Variants in COL11A1 observed in about 807,000 individuals in gnomAD.
COL11A1 encodes collagen alpha-1(XI) chain.
A neutral mutation model predicts 265.2 loss-of-function variants in COL11A1; 74 were observed. That is an observed-to-expected ratio of 0.28 (90% CI 0.23 to 0.34). The LOEUF (loss-of-function observed/expected upper bound fraction) is 0.34, where lower values mean the gene tolerates loss of function less well. Among genes scored for constraint, COL11A1 ranks in the 10% least tolerant of loss-of-function variants. COL11A1 has a pLI of 1.00. For missense variants in COL11A1, 2,165 were observed against 2,263.6 expected (o/e 0.96, Z 0.88); for synonymous variants, 816 against 727.6 (o/e 1.12, Z -1.96).
chr1:102,882,664 G>A (rs987124003), intron 64 of COL11A1, among the ~76,000 whole-genome samples: 19 of 152,234 alleles, frequency 1.2e-4, no homozygotes, highest in African/African-American at 3.9e-4. Context: ...AGTTATGCTC[G>A]TGAACAAACT....
chr1:102,950,543 T>A lies in COL11A1; in HGVS notation c.3169-3587A>T, dbSNP rs536192289. Among the ~76,000 whole-genome samples the A allele has an allele frequency of 8.6e-5, 13 of 151,250 alleles. No homozygotes were observed. The South Asian group carries it at 2.7e-3, about 32-fold the overall frequency. On this transcript the variant is annotated intron_variant, in intron 41 of 66. Transcript: ENST00000370096. Reference sequence around the variant, plus strand: ...AATATTCAACTCACATTCTTAGAATTTTTTTTTTACTTTATATCTTAGCAT... The same window carrying A: ...AATATTCAACTCACATTCTTAGAATATTTTTTTTACTTTATATCTTAGCAT...
At chr1:103,048,325 T>G (rs6700653) in intron 4 of COL11A1, among the ~76,000 whole-genome samples, 6,247 of 152,118 alleles carry the variant, frequency 0.041, 219 homozygotes, top group African/African-American at 0.092. Flanking sequence ...TCCTGGTTTA[T>G]TCTTGGGAGG....
At chr1:103,097,508 A>G (rs745938123) in intron 1 of COL11A1, among the ~76,000 whole-genome samples, 1 of 151,988 alleles carries the variant, frequency 6.6e-6, no homozygotes, top group Non-Finnish European at 1.5e-5. Context: ...TGTATTCTCC[A>G]GGAACCATAC....
intron 44 of COL11A1, among the ~76,000 whole-genome samples, chr1:102,937,737 G>A (rs1169232740): frequency 6.6e-6 from 1 of 152,134 alleles, no homozygotes; most frequent in Admixed American, 6.5e-5. Context: ...CATAAGCCAA[G>A]CAGATGCCAG....
Position 103,023,012 on chromosome 1 carries a change from G to T in COL11A1, c.991-16C>A. 6.2e-7 allele frequency: 1 copy of T among 1,607,546 alleles called. No homozygotes were observed. Among genetic ancestry groups the T allele is most frequent in the Non-Finnish European group, 8.5e-7 (1 of 1,176,128 alleles). ...CTGGATTTGGCTATTAATTTAAATT[G>T]CAAGGAATTGAGGAACATGAAGTTT... On this transcript the variant is annotated splice_polypyrimidine_tract_variant and intron_variant, in intron 7 of 66. Transcript: ENST00000370096.
chr1:102,949,657 T>A (rs893781991), intron 41 of COL11A1, among the ~76,000 whole-genome samples: 2 of 152,232 alleles, frequency 1.3e-5, no homozygotes, highest in African/African-American at 2.4e-5. Context: ...ATGACTTGTA[T>A]ATTTTTAAGT....
chr1:102,934,743 C>T (rs1269376152), intron 45 of COL11A1, among the ~76,000 whole-genome samples, 187 bp from the exon 46 acceptor site: 1 of 152,152 alleles, frequency 6.6e-6, no homozygotes, highest in Non-Finnish European at 1.5e-5. Flanking sequence ...TTCTTTGCTT[C>T]TGGATCATAA....
intron 49 of COL11A1, among the ~76,000 whole-genome samples, chr1:102,919,661 A>G (rs754280150): frequency 1.3e-5 from 2 of 152,026 alleles, no homozygotes; most frequent in African/African-American, 4.8e-5. Flanking sequence ...GAATGCATAA[A>G]TAAGAAATCA....
chr1:102,983,994 T>C (rs1358005530), intron 31 of COL11A1, 144 bp downstream of exon 31: 7 of 603,038 alleles, frequency 1.2e-5, no homozygotes, highest in African/African-American at 7.4e-5. Flanking sequence ...ACTCCAGGCG[T>C]CCACACACTC....
At chr1:102,905,044 T>C (rs1228819512) in intron 54 of COL11A1, among the ~76,000 whole-genome samples, 2 of 151,638 alleles carry the variant, frequency 1.3e-5, no homozygotes, top group African/African-American at 4.8e-5. Context: ...TATGCAGCCA[T>C]AAAAAATGAT....
chr1:103,038,964 G>A (rs1668598733), intron 4 of COL11A1, among the ~76,000 whole-genome samples: 1 of 152,142 alleles, frequency 6.6e-6, no homozygotes, highest in Non-Finnish European at 1.5e-5. Context: ...GAGGAACGTA[G>A]AGCAATTCTG....
intron 26 of COL11A1, 53 bp from the exon 27 acceptor site, chr1:102,996,095 A>T: frequency 6.5e-7 from 1 of 1,547,516 alleles, no homozygotes; most frequent in Non-Finnish European, 8.9e-7. Context: ...AGTGCTACTC[A>T]TTTACATACT....
chr1:102,919,534 C>A (rs1261837484), intron 49 of COL11A1, among the ~76,000 whole-genome samples: 2 of 151,868 alleles, frequency 1.3e-5, no homozygotes, highest in Non-Finnish European at 2.9e-5. Flanking sequence ...GTTTTCACTG[C>A]ATAATATATG....
chr1:102,971,236 T>C (rs924826672), intron 36 of COL11A1, among the ~76,000 whole-genome samples: 4 of 152,198 alleles, frequency 2.6e-5, no homozygotes, highest in Non-Finnish European at 5.9e-5. Flanking sequence ...TCACTTTGTA[T>C]AAAGGATGCT....
At chr1:103,022,616 G>A in intron 8 of COL11A1, 126 bp downstream of exon 8, 1 of 1,062,904 alleles carries the variant, frequency 9.4e-7, no homozygotes, top group Non-Finnish European at 1.4e-6. Context: ...AGTGGTAATA[G>A]GCATTCATAA....
At position 103,097,430 on chromosome 1, in the gene COL11A1, T is replaced by C. The variant is rs79829246; in HGVS notation, c.106+10643A>G. ...GAATGCTCTTTCCTCTTCACTTTAG[T>C]TAATTAATCAATGCTCAATTGGTAC... On this transcript the variant is annotated intron_variant, in intron 1 of 66. Transcript: ENST00000370096. Among the ~76,000 whole-genome samples, 1,319 of 152,064 alleles carry C rather than the reference T, an allele frequency of 8.7e-3. 17 individuals are homozygous for C. The highest frequency in any genetic ancestry group is 0.03 in the African/African-American group (1,248 of 41,522).
chr1:102,998,291 C>G lies in COL11A1; in HGVS notation c.2196+19G>C, dbSNP rs774538805. On this transcript the variant is annotated intron_variant, in intron 25 of 66. Transcript: ENST00000370096. ...AGATAATGTAAAGAAATTTTAATGA[C>G]CAGGTAGCTGTTACTTACAGGAGGC... 4 of 1,598,832 alleles carry G rather than the reference C, an allele frequency of 2.5e-6. No homozygotes were observed. The East Asian group carries it at 6.7e-5, about 27-fold the overall frequency.
At chr1:102,967,308 T>C (rs1661523348) in intron 37 of COL11A1, among the ~76,000 whole-genome samples, 1 of 125,942 alleles carries the variant, frequency 7.9e-6, no homozygotes. Context: ...TGGCGCGATC[T>C]CGGCTCACTG....
intron 32 of COL11A1, 34 bp downstream of exon 32, chr1:102,979,348 T>C (rs1335012335): frequency 3.3e-6 from 5 of 1,531,136 alleles, no homozygotes; most frequent in South Asian, 1.1e-5. Context: ...AGAACACTTA[T>C]ATACATAGTT....
Sources: gnomAD v4.1 joint callset for allele counts (sites outside exome capture counted in the v4.1 genomes callset) on GRCh38, gnomAD v4.1.1 for gene constraint, MANE v1.5 for transcripts, NCBI Gene and HGNC (gene_info 2026-07-23, HGNC 2026-07-21) for gene names.